The following ARHGAP25 variants were observed in gnomAD, a reference collection of about 807,000 sequenced individuals.
ARHGAP25 encodes the protein rho GTPase-activating protein 25.
ARHGAP25 carries 34 observed loss-of-function variants against 71.0 expected under a neutral mutation model. That is an observed-to-expected ratio of 0.48 (90% confidence interval 0.36 to 0.64). The LOEUF is 0.64. Ranked by LOEUF, ARHGAP25 falls within the 30% of genes least tolerant of loss-of-function variation. The pLI, the probability that ARHGAP25 is intolerant of heterozygous loss-of-function variation, is 0.00. For missense variants in ARHGAP25, 706 were observed against 805.1 expected (o/e 0.88, Z 1.49); for synonymous variants, 282 against 296.5 (o/e 0.95, Z 0.50).
chr2:68,751,526 CT>C (rs1347714039), intron 1 of ARHGAP25, among the ~76,000 whole-genome samples: 1 of 152,200 alleles, frequency 6.6e-6, no homozygotes, highest in Non-Finnish European at 1.5e-5. Context: ...GCCATTTTCC[CT>C]TTCTGTTCCA....
intron 1 of ARHGAP25, among the ~76,000 whole-genome samples, chr2:68,753,728 C>G (rs970424254): frequency 6.6e-6 from 1 of 152,076 alleles, no homozygotes; most frequent in East Asian, 1.9e-4. Flanking sequence ...CTCAACAAGT[C>G]GCTGTAGAAT....
intron 4 of ARHGAP25, among the ~76,000 whole-genome samples, chr2:68,788,639 A>G (rs938782478): frequency 4.6e-5 from 7 of 152,230 alleles, no homozygotes; most frequent in African/African-American, 1.7e-4. Flanking sequence ...TGAAATTAAC[A>G]AACACGTGAA....
At chr2:68,719,376 CCG>C (rs1214586408) in intron 2 of ARHGAP25, among the ~76,000 whole-genome samples, 3 of 149,620 alleles carry the variant, frequency 2.0e-5, no homozygotes, top group African/African-American at 7.4e-5. Context: ...AGTGTCAGAA[CCG>C]AATTGAATTG....
intron 2 of ARHGAP25, among the ~76,000 whole-genome samples, chr2:68,721,919 A>C (rs1188744232): frequency 6.6e-6 from 1 of 152,128 alleles, no homozygotes; most frequent in Admixed American, 6.5e-5. Context: ...CCTCTCACCC[A>C]GTGTGTCCAA....
chr2:68,813,808 T>C (rs1440785615), intron 6 of ARHGAP25, among the ~76,000 whole-genome samples: 3 of 152,180 alleles, frequency 2.0e-5, no homozygotes, highest in Non-Finnish European at 4.4e-5. Flanking sequence ...TCAGGCGTGG[T>C]CATCCAAGGA....
intron 1 of ARHGAP25, among the ~76,000 whole-genome samples, chr2:68,753,097 A>AC (rs1228283053): frequency 6.6e-6 from 1 of 151,532 alleles, no homozygotes; most frequent in African/African-American, 2.4e-5. Flanking sequence ...TGATAAAACC[A>AC]CCCCCCAGTT....
intron 4 of ARHGAP25, among the ~76,000 whole-genome samples, chr2:68,794,707 A>G (rs1475089332): frequency 6.6e-6 from 1 of 152,134 alleles, no homozygotes; most frequent in African/African-American, 2.4e-5. Flanking sequence ...TATATTCATC[A>G]GGGATATTGG....
chr2:68,824,625 C>G (rs1411227982), intron 10 of ARHGAP25, among the ~76,000 whole-genome samples: 2 of 152,064 alleles, frequency 1.3e-5, no homozygotes, highest in Non-Finnish European at 2.9e-5. Flanking sequence ...GCCTGTAGTC[C>G]CAGCTACTCA....
At chr2:68,752,425 C>A (rs1412480899) in intron 1 of ARHGAP25, among the ~76,000 whole-genome samples, 1 of 152,166 alleles carries the variant, frequency 6.6e-6, no homozygotes, top group Non-Finnish European at 1.5e-5. Context: ...GATAGTAGGT[C>A]TCCAGAAGAG....
intron 2 of ARHGAP25, among the ~76,000 whole-genome samples, chr2:68,719,371 C>T (rs1674696055): frequency 7.0e-6 from 1 of 143,664 alleles, no homozygotes; most frequent in South Asian, 2.3e-4. Context: ...TAGATAGTGT[C>T]AGAACCGAAT....
At chr2:68,798,744 CT>C (rs1464704011) in intron 4 of ARHGAP25, among the ~76,000 whole-genome samples, 1 of 152,122 alleles carries the variant, frequency 6.6e-6, no homozygotes, top group Admixed American at 6.5e-5. Context: ...CCAGCAGAAG[CT>C]AACTAGACAG....
rs140111652 is a variant in ARHGAP25 at position 68,822,739 on chromosome 2, A to C, written c.1600A>C (p.Ser534Arg). The C allele has an allele frequency of 6.8e-5, 109 of 1,614,128 alleles. No individual in the cohort carries two copies. In the African/African-American group the frequency reaches 1.2e-3, roughly 18 times the overall value. The change falls in exon 10 of 11, where the codon AGT becomes CGT. Residue 534 changes from serine (S) to arginine (R), a missense_variant. Coordinates refer to ENST00000409202, the MANE Select transcript of ARHGAP25 (RefSeq NM_001007231.3). Reference protein sequence around the residue: ...ACDSKGDTLASPNSETGPGKK... With the variant: ...ACDSKGDTLARPNSETGPGKK... ...TGACTCCAAGGGAGATACTCTTGCC[A>C]GTCCAAACTCTGAAACTGGGCCTGG... is the stretch of plus-strand genomic sequence containing the variant.
At chr2:68,809,560 G>T (rs1342908639) in intron 5 of ARHGAP25, among the ~76,000 whole-genome samples, 1 of 152,070 alleles carries the variant, frequency 6.6e-6, no homozygotes, top group East Asian at 1.9e-4. Context: ...GTGAAAGGGG[G>T]TGGAAAGAGG....
At chr2:68,714,784 C>T (rs571218429) in intron 2 of ARHGAP25, among the ~76,000 whole-genome samples, 2 of 152,098 alleles carry the variant, frequency 1.3e-5, no homozygotes, top group Admixed American at 1.3e-4. Flanking sequence ...CATCCTGATA[C>T]ACAGAAATGC....
intron 2 of ARHGAP25, among the ~76,000 whole-genome samples, chr2:68,721,607 C>G (rs1188664272): frequency 2.0e-5 from 3 of 152,226 alleles, no homozygotes; most frequent in African/African-American, 7.2e-5. Context: ...TGTAATCACT[C>G]AAGGTGAACC....
At chr2:68,816,581 C>T (rs1457559246) in intron 7 of ARHGAP25, 2 of 545,944 alleles carry the variant, frequency 3.7e-6, no homozygotes, top group Non-Finnish European at 6.6e-6. Context: ...CCATTTAGGC[C>T]TGCCTCAGCA....
chr2:68,713,995 C>T (rs896074135), intron 2 of ARHGAP25, among the ~76,000 whole-genome samples: 4 of 152,152 alleles, frequency 2.6e-5, no homozygotes, highest in Admixed American at 6.5e-5. Context: ...TGATGCTAGC[C>T]TCATCAAATG....
chr2:68,720,316 CAAA>C (rs11314943), intron 2 of ARHGAP25, among the ~76,000 whole-genome samples: 13 of 75,672 alleles, frequency 1.7e-4, no homozygotes, highest in Admixed American at 2.7e-4. Flanking sequence ...ACATTTCAGT[CAAA>C]AAAAAAAAAA....
At chr2:68,795,560 A>G (rs1319215104) in intron 4 of ARHGAP25, among the ~76,000 whole-genome samples, 3 of 152,028 alleles carry the variant, frequency 2.0e-5, no homozygotes, top group African/African-American at 7.2e-5. Flanking sequence ...GTTTCCATGT[A>G]TTTGTGTAGT....
Sources: gnomAD v4.1 joint callset for allele counts (sites outside exome capture counted in the v4.1 genomes callset) on GRCh38, gnomAD v4.1.1 for gene constraint, MANE v1.5 for transcripts, NCBI Gene and HGNC (gene_info 2026-07-23, HGNC 2026-07-21) for gene names.